HHAT: variants seen among roughly 807,000 people sequenced by gnomAD.
HHAT encodes hedgehog acyltransferase, also known as protein-cysteine N-palmitoyltransferase HHAT.
In HHAT, 47 loss-of-function variants were observed where a neutral mutation model predicts 70.8. That is an observed-to-expected ratio of 0.66 (90% CI 0.53 to 0.85). The LOEUF (loss-of-function observed/expected upper bound fraction) is 0.85. HHAT is among the 40% of genes least tolerant of loss of function. The pLI is 0.00. For synonymous variants in HHAT, 228 were observed against 247.6 expected, an observed-to-expected ratio of 0.92 and a Z score of 0.74; for missense variants, 609 against 604.8, an observed-to-expected ratio of 1.01 and a Z score of -0.07.
At chr1:210,432,625 A>G (rs972504653) in intron 7 of HHAT, among the ~76,000 whole-genome samples, 21 of 151,944 alleles carry the variant, frequency 1.4e-4, no homozygotes, top group Non-Finnish European at 2.5e-4. Context: ...ACGTAGTCTT[A>G]GATGGCCTTG....
At chr1:210,421,066 G>C (rs2092887158) in intron 7 of HHAT, among the ~76,000 whole-genome samples, 1 of 152,022 alleles carries the variant, frequency 6.6e-6, no homozygotes, top group East Asian at 1.9e-4. Context: ...ACTACTCAAA[G>C]CAATTTATAG....
intron 9 of HHAT, among the ~76,000 whole-genome samples, chr1:210,566,799 G>T (rs557777249): frequency 1.9e-4 from 29 of 152,186 alleles, no homozygotes; most frequent in Non-Finnish European, 3.4e-4. Context: ...AAGTCTGTGT[G>T]TGACCCAGTT....
intron 10 of HHAT, among the ~76,000 whole-genome samples, chr1:210,602,683 C>G (rs1216900077): frequency 1.3e-5 from 2 of 152,116 alleles, no homozygotes; most frequent in Admixed American, 1.3e-4. Flanking sequence ...ATCAAATTAG[C>G]CTGTTGTGCC....
At chr1:210,334,177 C>CTTTTTTTTTTTTTTTTTTTT (rs1342123521) in intron 1 of HHAT, among the ~76,000 whole-genome samples, 14 of 34,540 alleles carry the variant, frequency 4.1e-4, no homozygotes, top group Admixed American at 1.0e-3. Context: ...TTTAGCGTGT[C>CTTTTTTTTTTTTTTTTTTTT]ATTTTTTTTT....
chr1:210,586,444 A>G (rs911709739), intron 9 of HHAT, among the ~76,000 whole-genome samples: 1 of 152,180 alleles, frequency 6.6e-6, no homozygotes, highest in Admixed American at 6.5e-5. Flanking sequence ...TATCTCTAAA[A>G]ATAAAATAGT....
chr1:210,532,328 C>T (rs1333127203), intron 9 of HHAT, among the ~76,000 whole-genome samples: 1 of 152,178 alleles, frequency 6.6e-6, no homozygotes, highest in Non-Finnish European at 1.5e-5. Flanking sequence ...TATTGTTTCT[C>T]CCTGTGCTAC....
At chr1:210,594,449 C>T (rs1489869329) in intron 10 of HHAT, among the ~76,000 whole-genome samples, 1 of 152,076 alleles carries the variant, frequency 6.6e-6, no homozygotes, top group Non-Finnish European at 1.5e-5. Context: ...AAACTCTACA[C>T]TTTAACTTTG....
Position 210,382,521 on chromosome 1 carries a change from A to G in HHAT, c.160-4947A>G, listed in dbSNP as rs1242184110. 4.6e-5 allele frequency among the ~76,000 whole-genome samples: 7 copies of G among 152,200 alleles called. No homozygotes were observed. The East Asian group carries it at 1.3e-3, about 29-fold the overall frequency. ...TGAATGTTGGGCATCTAGGAGACAG[A>G]TTTAAGTCAAGGTTCTTGCTCTCAG... On this transcript the variant is annotated intron_variant, in intron 3 of 11. Coordinates refer to ENST00000261458, the MANE Select transcript of HHAT (RefSeq NM_018194.6).
At chr1:210,656,297 G>A (rs36088644) in intron 11 of HHAT, among the ~76,000 whole-genome samples, 25 of 151,594 alleles carry the variant, frequency 1.6e-4, no homozygotes, top group Middle Eastern at 6.9e-3. Context: ...AGGAAGTGGC[G>A]GCTGTGTGAC....
At chr1:210,441,174 G>C (rs762787011) in intron 7 of HHAT, among the ~76,000 whole-genome samples, 12 of 152,252 alleles carry the variant, frequency 7.9e-5, no homozygotes, top group Admixed American at 2.6e-4. Flanking sequence ...TGCAGGGACT[G>C]TGTGATGTGG....
chr1:210,674,317 G>T lies in HHAT; in HGVS notation c.1420G>T (p.Gly474Ter). The T allele has an allele frequency of 6.2e-7, 1 of 1,614,142 alleles. No individual in the cohort carries two copies. Among genetic ancestry groups the T allele is most frequent in the Admixed American group, 1.7e-5 (1 of 60,024 alleles). Residue 474 changes from glycine (G) to a stop codon, truncating the protein, a stop_gained, in exon 12 of 12, where the codon GGA becomes TGA. Coordinates refer to ENST00000261458, the MANE Select transcript of HHAT (RefSeq NM_018194.6). LOFTEE classifies it high-confidence loss of function. The part of the protein sequence containing the change: ...GWPWVTLSVL[G>*]FLYCYSHVGI... ...GCCTTGGGTGACCCTCTCTGTCCTGGGATTCCTGTACTGCTACTCCCACGT... is the reference window on the plus strand; with the variant it reads ...GCCTTGGGTGACCCTCTCTGTCCTGTGATTCCTGTACTGCTACTCCCACGT...
chr1:210,484,392 C>T (rs1206855817), intron 8 of HHAT, among the ~76,000 whole-genome samples: 1 of 152,054 alleles, frequency 6.6e-6, no homozygotes, highest in Non-Finnish European at 1.5e-5. Flanking sequence ...CAGGGTATGT[C>T]ATCTGGAGGG....
chr1:210,496,921 C>T (rs1425891384), intron 8 of HHAT, among the ~76,000 whole-genome samples: 1 of 152,198 alleles, frequency 6.6e-6, no homozygotes, highest in Admixed American at 6.5e-5. Flanking sequence ...CCTATCTGGT[C>T]ATCTGCCAAG....
rs528045321 is a variant in HHAT at position 210,378,714 on chromosome 1, A to G, written c.160-8754A>G. 6.6e-5 allele frequency among the ~76,000 whole-genome samples: 10 copies of G among 152,340 alleles called. No homozygotes were observed. The East Asian group carries it at 1.9e-3, about 29-fold the overall frequency. ...TACATATCTTTTGGTTTTGAAATAC[A>G]TAAATGCATTTGTGACTGTATTCTA... On this transcript the variant is annotated intron_variant, in intron 3 of 11. Transcript: ENST00000261458.
chr1:210,576,495 A>G (rs1373344818), intron 9 of HHAT, among the ~76,000 whole-genome samples: 3 of 132,066 alleles, frequency 2.3e-5, no homozygotes, highest in Non-Finnish European at 4.7e-5. Flanking sequence ...GAAGGGGAAC[A>G]TCACACACCG....
chr1:210,584,217 C>T (rs894676352), intron 9 of HHAT, among the ~76,000 whole-genome samples: 1 of 151,912 alleles, frequency 6.6e-6, no homozygotes, highest in Non-Finnish European at 1.5e-5. Flanking sequence ...GCTGGGATTA[C>T]AGGCGTGAGC....
intron 3 of HHAT, 77 bp downstream of exon 3, chr1:210,362,996 C>A (rs74156141): frequency 3.3e-6 from 4 of 1,198,204 alleles, no homozygotes; most frequent in South Asian, 2.5e-5. Context: ...TATTTGGAGT[C>A]GATCCAGGTA....
chr1:210,436,717 T>C (rs768527906), intron 7 of HHAT, among the ~76,000 whole-genome samples: 8 of 151,824 alleles, frequency 5.3e-5, no homozygotes, highest in Non-Finnish European at 1.0e-4. Flanking sequence ...ATGGCAATAC[T>C]AGGTGATACC....
intron 2 of HHAT, among the ~76,000 whole-genome samples, chr1:210,356,521 C>A (rs2087642259): frequency 2.6e-5 from 4 of 152,020 alleles, no homozygotes; most frequent in Admixed American, 6.6e-5. Context: ...AATCACTACT[C>A]CCTGTTTCTT....
Sources: allele counts gnomAD v4.1 joint callset (sites outside exome capture counted in the v4.1 genomes callset), GRCh38; gene constraint gnomAD v4.1.1; transcripts MANE v1.5; gene names NCBI Gene and HGNC (gene_info 2026-07-23, HGNC 2026-07-21).